Variants in TRIP12 observed in about 807,000 individuals in gnomAD.
TRIP12 encodes the protein E3 ubiquitin-protein ligase TRIP12.
TRIP12 carries 25 observed loss-of-function variants against 244.2 expected under a neutral mutation model. The ratio of observed to expected loss-of-function variants is 0.10; its 90% CI spans 0.07 to 0.14. The LOEUF (loss-of-function observed/expected upper bound fraction) is 0.14. TRIP12 is among the 10% of genes least tolerant of loss of function. The pLI is 1.00. For missense variants in TRIP12, 1,677 were observed against 2,486.4 expected (o/e 0.67, Z 6.92); for synonymous variants, 905 against 873.1 (o/e 1.04, Z -0.64).
intron 21 of TRIP12, among the ~76,000 whole-genome samples, chr2:229,800,697 CTCTT>C (rs1005052755): frequency 6.6e-6 from 1 of 152,148 alleles, no homozygotes; most frequent in African/African-American, 2.4e-5. Flanking sequence ...AAGTTATTTT[CTCTT>C]TCTTTGGCAT....
At chr2:229,836,572 C>G (rs967624980) in intron 6 of TRIP12, among the ~76,000 whole-genome samples, 18 of 152,142 alleles carry the variant, frequency 1.2e-4, no homozygotes, top group African/African-American at 3.9e-4. Flanking sequence ...TAAATTCTTT[C>G]AATCAATGGG....
chr2:229,795,261 T>C lies in TRIP12; in HGVS notation c.3886A>G (p.Lys1296Glu). The C allele has an allele frequency of 1.2e-6, 2 of 1,614,116 alleles. No individual in the cohort carries two copies. Among genetic ancestry groups the C allele is most frequent in the Non-Finnish European group, 1.7e-6 (2 of 1,179,982 alleles). ...GNAPLLALVHKMNNCLSQMEQ... is the reference protein window; with the variant it reads ...GNAPLLALVHEMNNCLSQMEQ... ...ATCTGGCTGAGGCAGTTGTTCATCT[T>C]GTGAACTAATGCCAACAAAGGTGCA... is the stretch of plus-strand genomic sequence containing the variant. Residue 1296 changes from lysine (K) to glutamate (E), a missense_variant, in exon 26 of 42, where the codon AAG becomes GAG. Physicochemically the swap from Lys to Glu is moderately conservative, Grantham distance 56. Transcript: ENST00000675903.
intron 1 of TRIP12, among the ~76,000 whole-genome samples, chr2:229,893,829 T>G (rs887768638): frequency 1.3e-5 from 2 of 152,204 alleles, no homozygotes; most frequent in Non-Finnish European, 2.9e-5. Context: ...ATCACCCTCC[T>G]GAGTAGCTGT....
At chr2:229,770,589 T>C (rs1006479222) in intron 39 of TRIP12, among the ~76,000 whole-genome samples, 3 of 152,256 alleles carry the variant, frequency 2.0e-5, no homozygotes, top group Admixed American at 2.0e-4. Flanking sequence ...AGGCTTTCTG[T>C]ATCTCACTAC....
chr2:229,797,555 A>G, intron 24 of TRIP12, 135 bp downstream of exon 24: 1 of 993,364 alleles, frequency 1.0e-6, no homozygotes, highest in Non-Finnish European at 1.4e-6. Context: ...TGCCAGCACC[A>G]AGGGTGTATA....
intron 4 of TRIP12, among the ~76,000 whole-genome samples, chr2:229,846,222 C>G (rs918858146): frequency 6.6e-6 from 1 of 152,144 alleles, no homozygotes; most frequent in African/African-American, 2.4e-5. Flanking sequence ...TGCTATCAAA[C>G]AGCATCGCAT....
chr2:229,804,310 C>T, intron 18 of TRIP12, 83 bp from the exon 19 acceptor site: 1 of 1,209,438 alleles, frequency 8.3e-7, no homozygotes, highest in Non-Finnish European at 1.2e-6. Context: ...ATACTCAAGC[C>T]AGTGTAATTC....
intron 39 of TRIP12, among the ~76,000 whole-genome samples, chr2:229,769,986 T>C (rs1329194201): frequency 6.6e-6 from 1 of 152,204 alleles, no homozygotes; most frequent in African/African-American, 2.4e-5. Flanking sequence ...TCCTATATAT[T>C]TAAAGACAAA....
intron 8 of TRIP12, among the ~76,000 whole-genome samples, chr2:229,828,372 C>T (rs1188989185): frequency 8.6e-5 from 13 of 150,766 alleles, no homozygotes; most frequent in African/African-American, 3.2e-4. Flanking sequence ...CCAGGCTTCT[C>T]CCCAGTGATA....
intron 3 of TRIP12, 32 bp from the exon 4 acceptor site, chr2:229,859,606 C>T (rs367710559): frequency 1.3e-6 from 2 of 1,580,000 alleles, no homozygotes; most frequent in Non-Finnish European, 1.7e-6. Context: ...CAGTTAATAT[C>T]AGCCTGTCAT....
intron 9 of TRIP12, among the ~76,000 whole-genome samples, chr2:229,816,522 T>G (rs1272262613): frequency 1.3e-5 from 2 of 152,220 alleles, no homozygotes. Context: ...GTCACATGAC[T>G]GTATTGTGAT....
intron 2 of TRIP12, among the ~76,000 whole-genome samples, chr2:229,873,718 A>T (rs995380249): frequency 6.6e-6 from 1 of 152,168 alleles, no homozygotes. Flanking sequence ...ATGGGGGTTT[A>T]AAAAAATCTC....
chr2:229,808,305 A>G lies in TRIP12; in HGVS notation c.2286T>C (p.Ile762=). The part of the protein sequence containing the change: ...GASNGSCQEQ[I]DLVPRSPQEL... ...CTTGAGGGCTTCGTGGAACAAGATC[A>G]ATCTGTTCCTGACAACTTCCATTGG... Residue 762 remains isoleucine (I), a synonymous_variant, in exon 16 of 42, where the codon ATT becomes ATC. Coordinates refer to ENST00000675903, the MANE Select transcript of TRIP12 (RefSeq NM_001348323.3). The G allele has an allele frequency of 6.2e-7, 1 of 1,614,030 alleles. No individual in the cohort carries two copies. Among genetic ancestry groups the G allele is most frequent in the East Asian group, 2.2e-5 (1 of 44,888 alleles).
At chr2:229,880,899 A>G (rs1432953028) in intron 1 of TRIP12, among the ~76,000 whole-genome samples, 1 of 152,210 alleles carries the variant, frequency 6.6e-6, no homozygotes, top group Non-Finnish European at 1.5e-5. Flanking sequence ...AGCCTAGATC[A>G]TGCCACTGGA....
rs1198110548 is a variant in TRIP12, at chr2:229,859,166, T to C, written c.633A>G (p.Glu211=). Residue 211 remains glutamate, a synonymous_variant, in exon 4 of 42, where the codon GAA becomes GAG. Transcript: ENST00000675903. ...GCTTGGTAGGTTTCGCAGATCTCTC[T>C]TCTGCACCAGTTGATTCAGACCCGG... ...SGSGSESTGA[E]ERSAKPTKLA... The C allele has an allele frequency of 5.0e-6, 8 of 1,614,072 alleles. No individual in the cohort carries two copies. The highest frequency in any genetic ancestry group is 3.3e-5 in the South Asian group (3 of 91,092).
At chr2:229,856,696 A>C (rs1186955714) in intron 4 of TRIP12, among the ~76,000 whole-genome samples, 1 of 152,254 alleles carries the variant, frequency 6.6e-6, no homozygotes, top group African/African-American at 2.4e-5. Flanking sequence ...CAGGACTGAC[A>C]GACACAAAAC....
At chr2:229,797,449 T>G (rs1055221904) in intron 24 of TRIP12, among the ~76,000 whole-genome samples, 3 of 152,134 alleles carry the variant, frequency 2.0e-5, no homozygotes, top group Non-Finnish European at 4.4e-5. Flanking sequence ...TTGTCAAGAA[T>G]GATGAGATGT....
chr2:229,892,293 A>C (rs536248756), intron 1 of TRIP12, among the ~76,000 whole-genome samples: 7 of 152,220 alleles, frequency 4.6e-5, no homozygotes, highest in Non-Finnish European at 5.9e-5. Context: ...GACTCAAAGC[A>C]TAAGAAAGAA....
At chr2:229,898,548 A>G (rs2069584482) in intron 1 of TRIP12, among the ~76,000 whole-genome samples, 1 of 152,226 alleles carries the variant, frequency 6.6e-6, no homozygotes, top group African/African-American at 2.4e-5. Context: ...ATTTACTTAT[A>G]CACTGACCTT....
Sources: gnomAD v4.1 joint callset for allele counts (sites outside exome capture counted in the v4.1 genomes callset) on GRCh38, gnomAD v4.1.1 for gene constraint, MANE v1.5 for transcripts, NCBI Gene and HGNC (gene_info 2026-07-23, HGNC 2026-07-21) for gene names.